The following CTPS1 variants were observed in gnomAD, a reference collection of about 807,000 sequenced individuals.
CTPS1 encodes CTP synthetase 1.
A neutral mutation model predicts 80.5 loss-of-function variants in CTPS1; 25 were observed. The ratio of observed to expected loss-of-function variants is 0.31; its 90% CI spans 0.23 to 0.43. The LOEUF is 0.43. CTPS1 is among the 20% of genes least tolerant of loss of function. The pLI, the probability that CTPS1 is intolerant of heterozygous loss-of-function variation, is 1.00. For missense variants in CTPS1, 442 were observed against 725.7 expected (o/e 0.61, Z 4.49); for synonymous variants, 267 against 252.5 (o/e 1.06, Z -0.54).
intron 5 of CTPS1, among the ~76,000 whole-genome samples, chr1:40,989,880 G>T (rs1318858065): frequency 6.6e-6 from 1 of 152,176 alleles, no homozygotes; most frequent in Non-Finnish European, 1.5e-5. Context: ...AAAGTAAGTT[G>T]AGGAAATACC....
chr1:40,994,429 T>C (rs922229095), intron 7 of CTPS1, among the ~76,000 whole-genome samples: 2 of 152,210 alleles, frequency 1.3e-5, no homozygotes, highest in African/African-American at 4.8e-5. Flanking sequence ...TTTAGACTTA[T>C]TTATAGCTAT....
chr1:41,005,735 C>T (rs576223353), intron 12 of CTPS1, among the ~76,000 whole-genome samples: 5 of 152,152 alleles, frequency 3.3e-5, no homozygotes, highest in Admixed American at 2.6e-4. Flanking sequence ...GCCTTTGTCT[C>T]TCCAAAAAAT....
intron 7 of CTPS1, among the ~76,000 whole-genome samples, chr1:40,995,344 G>T (rs1042952375): frequency 6.7e-6 from 1 of 149,022 alleles, no homozygotes; most frequent in Non-Finnish European, 1.5e-5. Flanking sequence ...TCAGCCTCCC[G>T]AGTAGCTGGG....
At chr1:40,991,344 T>C in intron 6 of CTPS1, 96 bp downstream of exon 6, 1 of 935,356 alleles carries the variant, frequency 1.1e-6, no homozygotes. Flanking sequence ...GTTGGGTTGC[T>C]TTTGATAATT....
At chr1:40,998,126 C>T (rs1485804867) in intron 9 of CTPS1, among the ~76,000 whole-genome samples, 7 of 152,176 alleles carry the variant, frequency 4.6e-5, no homozygotes, top group Middle Eastern at 3.4e-3. Context: ...TGGCTAGGCG[C>T]GTTGGCTCAT....
intron 5 of CTPS1, among the ~76,000 whole-genome samples, chr1:40,990,107 T>TA (rs1480047430): frequency 2.0e-5 from 3 of 152,164 alleles, no homozygotes; most frequent in Non-Finnish European, 2.9e-5. Context: ...TTTATGGAAA[T>TA]ACAGCTGTGT....
In CTPS1 at chr1:40,984,834, G is replaced by A; in HGVS notation, c.180G>A (p.Val60=). ...TGTTCACTGCAGGTGAGGTTTTTGT[G>A]CTGGATGATGGTGGGGAAGTAGACC... is the stretch of plus-strand genomic sequence containing the variant. The part of the protein sequence containing the change: ...FSPYEHGEVF[V]LDDGGEVDLD... The change falls in exon 3 of 19, where the codon GTG becomes GTA. Residue 60 remains valine, a synonymous_variant. Transcript: ENST00000650070. 1 of 1,560,180 alleles carries A rather than the reference G, an allele frequency of 6.4e-7. No homozygotes were observed. Among genetic ancestry groups the A allele is most frequent in the Non-Finnish European group, 8.7e-7 (1 of 1,145,618 alleles).
intron 7 of CTPS1, among the ~76,000 whole-genome samples, chr1:40,994,782 T>A (rs954350471): frequency 1.3e-5 from 2 of 152,258 alleles, no homozygotes; most frequent in African/African-American, 2.4e-5. Context: ...AACATTAATA[T>A]TAAACCATGT....
At chr1:41,009,747 G>T (rs1307153294) in intron 17 of CTPS1, among the ~76,000 whole-genome samples, 158 bp downstream of exon 17, 3 of 152,176 alleles carry the variant, frequency 2.0e-5, no homozygotes, top group African/African-American at 7.2e-5. Flanking sequence ...CTTTCTCACG[G>T]TGTTTCCCTG....
At chr1:40,983,509 A>G in intron 2 of CTPS1, 53 bp downstream of exon 2, 1 of 1,468,392 alleles carries the variant, frequency 6.8e-7, no homozygotes, top group Non-Finnish European at 9.3e-7. Context: ...ACATGTCAGC[A>G]CTTGGGAATT....
intron 6 of CTPS1, 22 bp from the exon 7 acceptor site, chr1:40,991,743 C>T: frequency 6.4e-7 from 1 of 1,573,934 alleles, no homozygotes; most frequent in Non-Finnish European, 8.7e-7. Context: ...TCTGTCTAAG[C>T]CATCTTGTTC....
At chr1:40,997,598 C>T (rs1642789053) in intron 9 of CTPS1, 72 bp downstream of exon 9, 15 of 1,500,986 alleles carry the variant, frequency 1.0e-5, no homozygotes, top group Non-Finnish European at 1.3e-5. Context: ...GGTGCTGTGT[C>T]ATATCTGCTT....
At chr1:40,992,681 A>G (rs1642643139) in intron 7 of CTPS1, among the ~76,000 whole-genome samples, 1 of 136,922 alleles carries the variant, frequency 7.3e-6, no homozygotes, top group African/African-American at 2.8e-5. Flanking sequence ...AAAATTGTTC[A>G]ATTTTTTTTT....
At chr1:40,982,008 G>T in intron 1 of CTPS1, 1 of 1,288,912 alleles carries the variant, frequency 7.8e-7, no homozygotes, top group South Asian at 1.2e-5. Context: ...AGCATTTTCT[G>T]CTACTTTCTA....
chr1:40,988,749 G>T (rs758471697), intron 5 of CTPS1, 39 bp downstream of exon 5: 1 of 1,349,652 alleles, frequency 7.4e-7, no homozygotes, highest in Non-Finnish European at 1.1e-6. Context: ...GGGGGAGATG[G>T]AGAGGAGGGA....
rs2148387831 is a variant in CTPS1, at chr1:40,984,810, G to T, written c.167-11G>T. Reference sequence around the variant, plus strand: ...TTCACTTAACGTAAATGGTTTCTCTGTTCACTGCAGGTGAGGTTTTTGTGC... The same window carrying T: ...TTCACTTAACGTAAATGGTTTCTCTTTTCACTGCAGGTGAGGTTTTTGTGC... On this transcript the variant is annotated splice_polypyrimidine_tract_variant and intron_variant, in intron 2 of 18. Transcript: ENST00000650070. 1 of 1,519,508 alleles carries T rather than the reference G, an allele frequency of 6.6e-7. No homozygotes were observed. Among genetic ancestry groups the T allele is most frequent in the East Asian group, 2.4e-5 (1 of 42,332 alleles). The allele number at this position is 1,519,508 out of a possible 1,614,324, so 94.1% of individuals were successfully genotyped here.
chr1:41,001,284 T>A (rs1384640845), intron 10 of CTPS1, among the ~76,000 whole-genome samples, 167 bp downstream of exon 10: 1 of 152,250 alleles, frequency 6.6e-6, no homozygotes, highest in East Asian at 1.9e-4. Context: ...AAATGCAGCT[T>A]GTCAATATCA....
At chr1:41,006,705 G>A (rs1323605629) in intron 13 of CTPS1, among the ~76,000 whole-genome samples, 1 of 152,198 alleles carries the variant, frequency 6.6e-6, no homozygotes, top group East Asian at 1.9e-4. Flanking sequence ...GTAAAGGGAA[G>A]GGCACTTATT....
chr1:40,980,093 G>C (rs947137301), intron 1 of CTPS1: 1 of 151,220 alleles, frequency 6.6e-6, no homozygotes, highest in Admixed American at 6.6e-5. Flanking sequence ...AGCGGGGCGC[G>C]GGGCGGCTTC....
Sources: allele counts gnomAD v4.1 joint callset (sites outside exome capture counted in the v4.1 genomes callset), GRCh38; gene constraint gnomAD v4.1.1; transcripts MANE v1.5; gene names NCBI Gene and HGNC (gene_info 2026-07-23, HGNC 2026-07-21).